The following KALRN variants were observed in gnomAD, a reference collection of about 807,000 sequenced individuals.
KALRN encodes kalirin.
In KALRN, 70 loss-of-function variants were observed where a neutral mutation model predicts 353.7. The ratio of observed to expected loss-of-function variants is 0.20; its 90% CI spans 0.16 to 0.24. The LOEUF (loss-of-function observed/expected upper bound fraction) is 0.24, where lower values mean the gene tolerates loss of function less well. Ranked by LOEUF, KALRN falls within the 10% of genes least tolerant of loss-of-function variation. KALRN has a pLI of 1.00. For synonymous variants in KALRN, 1,391 were observed against 1,434.8 expected, an observed-to-expected ratio of 0.97 and a Z score of 0.69; for missense variants, 2,791 against 3,756.7, an observed-to-expected ratio of 0.74 and a Z score of 6.72.
At chr3:124,466,509 A>G (rs781643555) in intron 25 of KALRN, among the ~76,000 whole-genome samples, 4 of 152,238 alleles carry the variant, frequency 2.6e-5, no homozygotes, top group Non-Finnish European at 4.4e-5. Flanking sequence ...TAGATTTGCA[A>G]CTTTGCTGTG....
intron 1 of KALRN, among the ~76,000 whole-genome samples, chr3:124,213,035 T>C (rs2077030612): frequency 6.6e-6 from 1 of 152,142 alleles, no homozygotes; most frequent in African/African-American, 2.4e-5. Context: ...TAATCTGACA[T>C]ATAGTTTAAA....
At chr3:124,418,789 C>G (rs780849574) in intron 14 of KALRN, among the ~76,000 whole-genome samples, 1 of 152,194 alleles carries the variant, frequency 6.6e-6, no homozygotes, top group African/African-American at 2.4e-5. Context: ...AGGAATATCT[C>G]TGTTTCCTGT....
In KALRN at chr3:124,619,482, C is replaced by CTTT. The variant is rs59009780; in HGVS notation, c.5183-12918_5183-12916dup. ...GTGATAATTCCTTTTTATTTTCCTT[C>CTTT]TTTTTTTTTTTTTTTTTTTTTTGAG... is the stretch of plus-strand genomic sequence containing the variant. On this transcript the variant is annotated intron_variant, in intron 34 of 59. Transcript: ENST00000682506. Among the ~76,000 whole-genome samples the CTTT allele has an allele frequency of 2.9e-3, 301 of 104,534 alleles. 1 individual carries two copies. The highest frequency in any genetic ancestry group is 9.4e-3 in the East Asian group (35 of 3,732). The allele number at this position is 104,534 out of a possible 152,430, so 68.6% of individuals were successfully genotyped here. A position where few individuals can be genotyped will look rare whatever the true frequency, so the allele number is the denominator to read the frequency against.
chr3:124,216,686 C>A (rs1353356901), intron 1 of KALRN, among the ~76,000 whole-genome samples: 3 of 152,182 alleles, frequency 2.0e-5, no homozygotes, highest in Non-Finnish European at 4.4e-5. Context: ...TCAGATCACC[C>A]CTTCTTTCCT....
At chr3:124,111,101 C>T (rs1321536623) in intron 1 of KALRN, among the ~76,000 whole-genome samples, 1 of 152,078 alleles carries the variant, frequency 6.6e-6, no homozygotes, top group Admixed American at 6.5e-5. Flanking sequence ...AAAATAAAAA[C>T]AAATATAAAT....
chr3:124,131,482 C>G (rs948716985), intron 1 of KALRN, among the ~76,000 whole-genome samples: 5 of 152,130 alleles, frequency 3.3e-5, no homozygotes, highest in Admixed American at 6.5e-5. Flanking sequence ...AAAGGGCCAC[C>G]CAAATACTAA....
chr3:124,485,580 TA>T (rs1195358582), intron 28 of KALRN, among the ~76,000 whole-genome samples: 5 of 152,222 alleles, frequency 3.3e-5, no homozygotes, highest in Non-Finnish European at 7.3e-5. Context: ...AAATTATTTT[TA>T]TTTTTTTAAG....
intron 1 of KALRN, among the ~76,000 whole-genome samples, chr3:124,139,542 C>T (rs2149773598): frequency 6.6e-6 from 1 of 152,174 alleles, no homozygotes; most frequent in Middle Eastern, 3.4e-3. Flanking sequence ...GGCAGCAGTC[C>T]CTCTCTTGTT....
intron 13 of KALRN, among the ~76,000 whole-genome samples, chr3:124,400,835 G>T (rs1458948379): frequency 2.0e-5 from 3 of 152,172 alleles, no homozygotes; most frequent in Non-Finnish European, 4.4e-5. Flanking sequence ...AGCAGGTGTG[G>T]TGGTTTTGCT....
chr3:124,250,456 C>A (rs2070978803), intron 3 of KALRN, among the ~76,000 whole-genome samples: 2 of 152,168 alleles, frequency 1.3e-5, no homozygotes, highest in African/African-American at 4.8e-5. Flanking sequence ...TGGGAGGCAG[C>A]CCATGGCTGC....
At chr3:124,544,212 C>T (rs903931826) in intron 33 of KALRN, among the ~76,000 whole-genome samples, 19 of 152,214 alleles carry the variant, frequency 1.2e-4, no homozygotes, top group African/African-American at 4.6e-4. Flanking sequence ...CATTACCATA[C>T]ATGCACACTG....
chr3:124,447,562 G>A (rs1368300513), intron 21 of KALRN, among the ~76,000 whole-genome samples: 6 of 152,158 alleles, frequency 3.9e-5, no homozygotes, highest in East Asian at 1.9e-4. Context: ...TCTTTGTAAC[G>A]TCCTCATCTC....
intron 34 of KALRN, among the ~76,000 whole-genome samples, chr3:124,619,181 A>G (rs1465567189): frequency 2.0e-5 from 3 of 146,602 alleles, no homozygotes; most frequent in African/African-American, 7.6e-5. Flanking sequence ...ATAGTTTTCT[A>G]TGTCTAGCTT....
chr3:124,189,768 T>C (rs1457562055), intron 1 of KALRN, among the ~76,000 whole-genome samples: 1 of 152,026 alleles, frequency 6.6e-6, no homozygotes, highest in African/African-American at 2.4e-5. Flanking sequence ...TGAAAACCCA[T>C]CTCTACTAAA....
chr3:124,366,746 G>A (rs1327583612), intron 10 of KALRN, among the ~76,000 whole-genome samples: 1 of 152,078 alleles, frequency 6.6e-6, no homozygotes, highest in Non-Finnish European at 1.5e-5. Context: ...GGTGGTGGCC[G>A]GGCAGAGGGG....
At chr3:124,309,523 T>C (rs2078038115) in intron 6 of KALRN, among the ~76,000 whole-genome samples, 1 of 152,006 alleles carries the variant, frequency 6.6e-6, no homozygotes, top group Non-Finnish European at 1.5e-5. Context: ...AATCGTGTCA[T>C]TGCACTCCAG....
At chr3:124,125,239 G>T (rs2064509220) in intron 1 of KALRN, among the ~76,000 whole-genome samples, 1 of 152,226 alleles carries the variant, frequency 6.6e-6, no homozygotes, top group South Asian at 2.1e-4. Flanking sequence ...TTTTACAGAT[G>T]AGGAAACTGA....
chr3:124,642,407 G>A, intron 37 of KALRN, among the ~76,000 whole-genome samples: 1 of 152,188 alleles, frequency 6.6e-6, no homozygotes, highest in East Asian at 1.9e-4. Flanking sequence ...TGGCCCTAGT[G>A]GACCCTGGCT....
intron 6 of KALRN, among the ~76,000 whole-genome samples, chr3:124,320,472 C>T (rs1454824945): frequency 3.3e-5 from 5 of 152,180 alleles, no homozygotes; most frequent in African/African-American, 7.2e-5. Context: ...AGACAAGTCA[C>T]GTTGCCCATA....
Sources: allele counts gnomAD v4.1 joint callset (sites outside exome capture counted in the v4.1 genomes callset), GRCh38; gene constraint gnomAD v4.1.1; transcripts MANE v1.5; gene names NCBI Gene and HGNC (gene_info 2026-07-23, HGNC 2026-07-21).